RNF157: variants seen among roughly 807,000 people sequenced by gnomAD.
The protein encoded by RNF157 is ring finger protein 157, also known as E3 ubiquitin ligase RNF157.
RNF157 carries 55 observed loss-of-function variants against 88.3 expected under a neutral mutation model. That is an observed-to-expected ratio of 0.62 (90% CI 0.50 to 0.78). The LOEUF is 0.78. RNF157 is among the 30% of genes least tolerant of loss of function. The pLI, the probability that RNF157 is intolerant of heterozygous loss-of-function variation, is 0.00. For missense variants in RNF157, 788 were observed against 860.8 expected, an observed-to-expected ratio of 0.92 and a Z score of 1.06; for synonymous variants, 334 against 341.2, an observed-to-expected ratio of 0.98 and a Z score of 0.23.
chr17:76,166,944 G>A (rs1362231007), intron 5 of RNF157, 65 bp downstream of exon 5: 9 of 1,084,142 alleles, frequency 8.3e-6, no homozygotes, highest in South Asian at 2.9e-5. Flanking sequence ...CTGTCAGACC[G>A]AGTCCTAAGT....
At chr17:76,204,332 T>C (rs2069640826) in intron 2 of RNF157, among the ~76,000 whole-genome samples, 2 of 152,166 alleles carry the variant, frequency 1.3e-5, no homozygotes, top group Admixed American at 6.6e-5. Context: ...CAGAAGCCCC[T>C]TCCCTGGAGA....
intron 2 of RNF157, among the ~76,000 whole-genome samples, chr17:76,209,939 T>C (rs1459033405): frequency 6.6e-6 from 1 of 152,044 alleles, no homozygotes; most frequent in Non-Finnish European, 1.5e-5. Context: ...TTTGTATTTT[T>C]AGTAGAGATG....
rs966795386 is a variant in RNF157 at position 76,145,548 on chromosome 17, C to T, written c.1922-195G>A. 22 of 541,160 alleles carry T rather than the reference C, an allele frequency of 4.1e-5. No individual in the cohort carries two copies. In the Admixed American group the frequency reaches 7.6e-4, roughly 19 times the overall value. The allele number at this position is 541,160 out of a possible 1,614,324, so 33.5% of individuals were successfully genotyped here. A position where few individuals can be genotyped will look rare whatever the true frequency, so the allele number is the denominator to read the frequency against. ...GGTGCTGACAGGTGCAGAGCCTGCT[C>T]CTGCCCCCTGGGCTAGGTACAGTCA... is the stretch of plus-strand genomic sequence containing the variant. On this transcript the variant is annotated intron_variant, in intron 18 of 18. Transcript: ENST00000269391.
At chr17:76,173,826 T>G in intron 2 of RNF157, 36 bp from the exon 3 acceptor site, 1 of 1,546,978 alleles carries the variant, frequency 6.5e-7, no homozygotes, top group South Asian at 1.1e-5. Flanking sequence ...GGTGGTGTGT[T>G]TAAAAAGACC....
chr17:76,161,641 C>T lies in RNF157; in HGVS notation c.959G>A (p.Arg320Gln), dbSNP rs374725944. 9.9e-6 allele frequency: 16 copies of T among 1,613,412 alleles called. No homozygotes were observed. Among genetic ancestry groups the T allele is most frequent in the African/African-American group, 4.0e-5 (3 of 74,828 alleles). ...CATGGCTCGGATCTGAAGCAGTGCC[C>T]GGAAGGCTGTGAAGGAGAAAACAGG... ...NNCPICRLPFRALLQIRAMRK... is the reference protein window; with the variant it reads ...NNCPICRLPFQALLQIRAMRK... The change falls in exon 11 of 19, where the codon CGG becomes CAG. Residue 320 changes from arginine to glutamine, a missense_variant. Transcript: ENST00000269391. This position sits in a 1 kb window ranked among gnomAD's most constrained non-coding sequence, Gnocchi z 4.6.
intron 1 of RNF157, among the ~76,000 whole-genome samples, chr17:76,213,750 T>G (rs914569212): frequency 6.6e-6 from 1 of 152,030 alleles, no homozygotes; most frequent in Non-Finnish European, 1.5e-5. Flanking sequence ...CCCCAACCAC[T>G]GAGGAAGGGA....
chr17:76,155,541 G>A lies in RNF157; in HGVS notation c.1698+21C>T, dbSNP rs758260386. On this transcript the variant is annotated intron_variant, in intron 15 of 18. Coordinates refer to ENST00000269391, the MANE Select transcript of RNF157 (RefSeq NM_052916.3). Reference sequence around the variant, plus strand: ...GCACAAAGAACAGAGAAGCCAGGGCGGTTCCCGTCCCTTCCCTTACCTCTC... The same window carrying A: ...GCACAAAGAACAGAGAAGCCAGGGCAGTTCCCGTCCCTTCCCTTACCTCTC... The A allele has an allele frequency of 1.7e-5, 27 of 1,606,972 alleles. No individual in the cohort carries two copies. The East Asian group carries it at 2.2e-4, about 13-fold the overall frequency.
chr17:76,205,313 T>C (rs2069662292), intron 2 of RNF157, among the ~76,000 whole-genome samples: 1 of 151,620 alleles, frequency 6.6e-6, no homozygotes, highest in South Asian at 2.1e-4. Flanking sequence ...TAATTTTTTT[T>C]TGTAGAGTCG....
intron 14 of RNF157, 83 bp from the exon 15 acceptor site, chr17:76,155,817 T>C: frequency 8.1e-7 from 1 of 1,228,870 alleles, no homozygotes; most frequent in South Asian, 1.7e-5. Flanking sequence ...GCCCTCTCCC[T>C]GCATTCAGGC....
intron 1 of RNF157, among the ~76,000 whole-genome samples, chr17:76,225,477 A>C (rs573252419): frequency 6.6e-6 from 1 of 152,360 alleles, no homozygotes; most frequent in African/African-American, 2.4e-5. Flanking sequence ...TACATATACA[A>C]ATATGTCCAG....
chr17:76,164,776 C>G lies in RNF157; in HGVS notation c.692G>C (p.Cys231Ser), dbSNP rs750762502. The change falls in exon 8 of 19, where the codon TGT becomes TCT. Residue 231 changes from cysteine (C) to serine (S), a missense_variant. Transcript: ENST00000269391. The part of the protein sequence containing the change: ...TFEKHTDGTF[C>S]VKPLKQKQVV... ...TTGTTTCTGTTTGAGGGGCTTGACA[C>G]AGAAAGTTCCATCTGTGTGCTGGAA... The G allele has an allele frequency of 1.9e-6, 3 of 1,611,516 alleles. No homozygotes were observed. Among genetic ancestry groups the G allele is most frequent in the South Asian group, 1.1e-5 (1 of 90,958 alleles).
In RNF157 at chr17:76,195,314, G is replaced by GGT. The variant is rs1229757250; in HGVS notation, c.207+17049_207+17050insAC. ...ACACCACGTAACCAGGAGATCACCT[G>GGT]TCTCTCCAACTTCATTGGTTATCGG... On this transcript the variant is annotated intron_variant, in intron 2 of 18. Transcript: ENST00000269391. This position sits in a 1 kb window ranked among gnomAD's most constrained non-coding sequence, Gnocchi z 4.4. Among the ~76,000 whole-genome samples the GGT allele has an allele frequency of 6.6e-6, 1 of 152,120 alleles. No individual in the cohort carries two copies. Among genetic ancestry groups the GGT allele is most frequent in the Non-Finnish European group, 1.5e-5 (1 of 68,030 alleles).
rs375473189 is a variant in RNF157, at chr17:76,152,516, C to T, written c.1811-51G>A. ...GAGGGGCTGGCTGTGTTTTTCTCTG[C>T]GTTGCTGTCCTTAAAATAAAAATCT... On this transcript the variant is annotated intron_variant, in intron 17 of 18. Transcript: ENST00000269391. The T allele has an allele frequency of 4.1e-5, 43 of 1,048,734 alleles. No homozygotes were observed. The African/African-American group carries it at 4.4e-4, about 11-fold the overall frequency. The allele number at this position is 1,048,734 out of a possible 1,614,324, so 65.0% of individuals were successfully genotyped here.
In RNF157 at chr17:76,161,830, C is replaced by T; in HGVS notation, c.952+13G>A. 1 of 1,612,742 alleles carries T rather than the reference C, an allele frequency of 6.2e-7. No individual in the cohort carries two copies. The highest frequency in any genetic ancestry group is 1.3e-5 in the African/African-American group (1 of 75,034). On this transcript the variant is annotated intron_variant, in intron 10 of 18. Transcript: ENST00000269391. The surrounding 1 kb of genome is among the most constrained non-coding windows in gnomAD (Gnocchi z 4.6). The stretch of plus-strand genomic sequence containing the variant: ...CTCCCACCCACCAGTCCCCCTGCCG[C>T]TCTGGGGCTTACGCAGTCGGCAGAT...
At chr17:76,172,387 T>C (rs1274745168) in intron 3 of RNF157, among the ~76,000 whole-genome samples, 1 of 149,780 alleles carries the variant, frequency 6.7e-6, no homozygotes, top group Non-Finnish European at 1.5e-5. Context: ...AGGTTGGGAG[T>C]TCAAGACCAG....
intron 2 of RNF157, among the ~76,000 whole-genome samples, chr17:76,207,439 AT>A (rs2069700017): frequency 6.6e-6 from 1 of 152,054 alleles, no homozygotes; most frequent in Admixed American, 6.6e-5. Context: ...AAAAAAAAAA[AT>A]TGGCTTTGAT....
At chr17:76,211,596 A>T (rs187118128) in intron 2 of RNF157, among the ~76,000 whole-genome samples, 2 of 152,300 alleles carry the variant, frequency 1.3e-5, no homozygotes, top group East Asian at 3.9e-4. Flanking sequence ...CAGTGCTTAG[A>T]ACATAGTGTG....
At chr17:76,234,772 C>CCTAT (rs2070253137) in intron 1 of RNF157, among the ~76,000 whole-genome samples, 1 of 152,068 alleles carries the variant, frequency 6.6e-6, no homozygotes, top group Non-Finnish European at 1.5e-5. Flanking sequence ...TCTTGTCATA[C>CCTAT]CTATGATTTA....
At chr17:76,186,201 C>T (rs1032149423) in intron 2 of RNF157, among the ~76,000 whole-genome samples, 1 of 152,016 alleles carries the variant, frequency 6.6e-6, no homozygotes, top group African/African-American at 2.4e-5. Context: ...CATTAAAAAA[C>T]ATCGACTCTA....
Sources: gnomAD v4.1 joint callset for allele counts (sites outside exome capture counted in the v4.1 genomes callset) on GRCh38, gnomAD v4.1.1 for gene constraint, Gnocchi (gnomAD v3.1) non-coding constraint, MANE v1.5 for transcripts, NCBI Gene and HGNC (gene_info 2026-07-23, HGNC 2026-07-21) for gene names.